Variants in GRID2 observed in about 807,000 individuals in gnomAD.
The protein encoded by GRID2 is glutamate ionotropic receptor delta type subunit 2.
Under a neutral mutation model 114.8 loss-of-function variants are expected in GRID2, and 33 were observed. That is an observed-to-expected ratio of 0.29 (90% CI 0.22 to 0.38). The LOEUF (loss-of-function observed/expected upper bound fraction) is 0.38, where lower values mean the gene tolerates loss of function less well. Ranked by LOEUF, GRID2 falls within the 10% of genes least tolerant of loss-of-function variation. The pLI is 1.00. For synonymous variants in GRID2, 505 were observed against 449.9 expected, an observed-to-expected ratio of 1.12 and a Z score of -1.55; for missense variants, 1,184 against 1,257.7, an observed-to-expected ratio of 0.94 and a Z score of 0.89.
At chr4:92,441,242 C>T (rs928043053) in intron 1 of GRID2, among the ~76,000 whole-genome samples, 8 of 151,932 alleles carry the variant, frequency 5.3e-5, no homozygotes, top group Admixed American at 2.0e-4. Context: ...AGGGAGAGCA[C>T]GTGTGTTTTT....
intron 2 of GRID2, among the ~76,000 whole-genome samples, chr4:92,760,795 T>A (rs931749228): frequency 6.6e-6 from 1 of 152,202 alleles, no homozygotes; most frequent in Non-Finnish European, 1.5e-5. Flanking sequence ...GAATCACATC[T>A]GCTATTGGCA....
intron 8 of GRID2, among the ~76,000 whole-genome samples, chr4:93,272,999 C>A (rs1207022196): frequency 2.0e-5 from 3 of 152,136 alleles, no homozygotes; most frequent in Admixed American, 2.0e-4. Flanking sequence ...CCTTGACCAT[C>A]CTTTGTAGTT....
intron 1 of GRID2, among the ~76,000 whole-genome samples, chr4:92,402,547 T>C (rs1730835856): frequency 6.6e-6 from 1 of 152,232 alleles, no homozygotes; most frequent in Admixed American, 6.5e-5. Flanking sequence ...TCAGAGCTCT[T>C]GGATGACCAG....
intron 2 of GRID2, among the ~76,000 whole-genome samples, chr4:92,957,803 T>C (rs1400387543): frequency 6.6e-6 from 1 of 152,108 alleles, no homozygotes; most frequent in Admixed American, 6.5e-5. Flanking sequence ...TATTTATCCA[T>C]TTATTCAGTC....
At chr4:92,558,321 G>A (rs1190174667) in intron 1 of GRID2, among the ~76,000 whole-genome samples, 2 of 152,106 alleles carry the variant, frequency 1.3e-5, no homozygotes, top group Non-Finnish European at 2.9e-5. Flanking sequence ...TTTTGAAAAT[G>A]TCATTCTCCT....
At chr4:92,730,426 T>C (rs1736277709) in intron 2 of GRID2, among the ~76,000 whole-genome samples, 1 of 151,982 alleles carries the variant, frequency 6.6e-6, no homozygotes, top group Non-Finnish European at 1.5e-5. Context: ...GGCATGTTAC[T>C]GGATTCATCT....
intron 14 of GRID2, among the ~76,000 whole-genome samples, chr4:93,663,610 T>G (rs1723692464): frequency 6.6e-6 from 1 of 152,114 alleles, no homozygotes; most frequent in African/African-American, 2.4e-5. Flanking sequence ...CAGTGTAGGC[T>G]CTAAGGATCA....
chr4:93,367,883 GA>G (rs1189066523), intron 8 of GRID2, among the ~76,000 whole-genome samples: 1 of 151,988 alleles, frequency 6.6e-6, no homozygotes, highest in Non-Finnish European at 1.5e-5. Flanking sequence ...GTTATCTGTT[GA>G]AAAAATAAAT....
At chr4:93,242,109 T>C (rs1056936248) in intron 8 of GRID2, among the ~76,000 whole-genome samples, 14 of 151,926 alleles carry the variant, frequency 9.2e-5, no homozygotes, top group African/African-American at 3.4e-4. Flanking sequence ...AGCAAGTCTT[T>C]ATGTTTGATG....
chr4:92,406,203 A>T (rs918549047), intron 1 of GRID2, among the ~76,000 whole-genome samples: 13 of 152,198 alleles, frequency 8.5e-5, no homozygotes, highest in Non-Finnish European at 2.9e-5. Flanking sequence ...CACACCAAGG[A>T]TCAACATTGC....
chr4:93,096,630 T>C (rs1345377717), intron 3 of GRID2, among the ~76,000 whole-genome samples: 1 of 151,878 alleles, frequency 6.6e-6, no homozygotes, highest in African/African-American at 2.4e-5. Context: ...AAAATGCAAA[T>C]TTAAATTACA....
intron 2 of GRID2, among the ~76,000 whole-genome samples, chr4:93,019,531 A>C (rs146976921): frequency 6.6e-6 from 1 of 152,254 alleles, no homozygotes; most frequent in Admixed American, 6.5e-5. Context: ...TTATTAACAT[A>C]TCTTCCATGT....
chr4:92,503,046 C>T (rs1270181675), intron 1 of GRID2, among the ~76,000 whole-genome samples: 1 of 151,952 alleles, frequency 6.6e-6, no homozygotes, highest in Non-Finnish European at 1.5e-5. Context: ...TTTCTTATTA[C>T]AGGTGGTTTT....
chr4:93,606,128 G>A (rs879323920), intron 13 of GRID2, among the ~76,000 whole-genome samples: 38 of 152,014 alleles, frequency 2.5e-4, no homozygotes, highest in African/African-American at 3.1e-4. Context: ...TTAGCTGGGC[G>A]TGGTGGCATG....
At chr4:93,417,928 G>T (rs1401853580) in intron 9 of GRID2, among the ~76,000 whole-genome samples, 1 of 150,722 alleles carries the variant, frequency 6.6e-6, no homozygotes. Flanking sequence ...AGCATTCTTG[G>T]ATGTATAGTT....
chr4:93,676,994 C>T (rs868666033), intron 14 of GRID2, among the ~76,000 whole-genome samples: 60 of 151,180 alleles, frequency 4.0e-4, no homozygotes, highest in East Asian at 1.2e-3. Flanking sequence ...ACTCGGGAAG[C>T]GCAAGGGGTC....
chr4:93,067,921 A>G (rs1728451792), intron 2 of GRID2, among the ~76,000 whole-genome samples: 2 of 152,020 alleles, frequency 1.3e-5, no homozygotes, highest in African/African-American at 2.4e-5. Context: ...ATATTTAATT[A>G]TATGCCTTTT....
chr4:92,542,975 A>C (rs1726056842), intron 1 of GRID2, among the ~76,000 whole-genome samples: 1 of 145,634 alleles, frequency 6.9e-6, no homozygotes, highest in Admixed American at 6.7e-5. Flanking sequence ...ATATGTGCAC[A>C]CATGATGCAC....
At chr4:93,104,200 TAC>T (rs1731976130) in intron 3 of GRID2, among the ~76,000 whole-genome samples, 1 of 152,154 alleles carries the variant, frequency 6.6e-6, no homozygotes, top group Non-Finnish European at 1.5e-5. Flanking sequence ...TTTGGAAAAA[TAC>T]AGACTTATGG....
Sources: gnomAD v4.1 joint callset for allele counts (sites outside exome capture counted in the v4.1 genomes callset) on GRCh38, gnomAD v4.1.1 for gene constraint, MANE v1.5 for transcripts, NCBI Gene and HGNC (gene_info 2026-07-23, HGNC 2026-07-21) for gene names.